TTLL11: variants seen among roughly 807,000 people sequenced by gnomAD.
TTLL11 encodes the protein tubulin polyglutamylase TTLL11.
A neutral mutation model predicts 51.7 loss-of-function variants in TTLL11; 42 were observed. That is an observed-to-expected ratio of 0.81 (90% CI 0.64 to 1.05). The LOEUF (loss-of-function observed/expected upper bound fraction) is 1.05, where lower values mean the gene tolerates loss of function less well. Among genes scored for constraint, TTLL11 ranks in the 50% least tolerant of loss-of-function variants. The pLI is 0.00. For missense variants in TTLL11, 799 were observed against 940.4 expected (o/e 0.85, Z 1.97); for synonymous variants, 381 against 383.5 (o/e 0.99, Z 0.08).
chr9:121,901,901 T>C (rs1262638356), intron 6 of TTLL11, among the ~76,000 whole-genome samples: 1 of 152,222 alleles, frequency 6.6e-6, no homozygotes, highest in Non-Finnish European at 1.5e-5. Flanking sequence ...TTCTGGCTTC[T>C]GATAATTTTT....
chr9:121,866,517 G>A (rs1180745938), intron 7 of TTLL11, among the ~76,000 whole-genome samples: 27 of 151,858 alleles, frequency 1.8e-4, no homozygotes, highest in East Asian at 7.8e-4. Context: ...AAAATTAGCC[G>A]GGCATGGTGG....
At chr9:122,061,681 A>G (rs1845437178) in intron 1 of TTLL11, among the ~76,000 whole-genome samples, 1 of 151,946 alleles carries the variant, frequency 6.6e-6, no homozygotes. Flanking sequence ...TCCGTCGCCC[A>G]GGCTGGAGTG....
At chr9:122,026,374 G>A (rs2131794961) in intron 3 of TTLL11, among the ~76,000 whole-genome samples, 1 of 151,002 alleles carries the variant, frequency 6.6e-6, no homozygotes, top group Admixed American at 6.6e-5. Context: ...GGAGGTGGAG[G>A]TTGTAGTGAG....
chr9:122,001,692 T>A (rs568369341), intron 3 of TTLL11, among the ~76,000 whole-genome samples: 4 of 152,178 alleles, frequency 2.6e-5, no homozygotes, highest in Admixed American at 1.3e-4. Flanking sequence ...AGCTCTGACC[T>A]CTAAAGAGAA....
At chr9:121,921,623 C>T (rs1403523086) in intron 6 of TTLL11, among the ~76,000 whole-genome samples, 1 of 152,154 alleles carries the variant, frequency 6.6e-6, no homozygotes, top group Non-Finnish European at 1.5e-5. Context: ...CTGGCACCTG[C>T]TGATTTATTT....
intron 6 of TTLL11, among the ~76,000 whole-genome samples, chr9:121,925,407 G>A (rs1022510854): frequency 2.0e-5 from 3 of 152,100 alleles, no homozygotes; most frequent in Non-Finnish European, 2.9e-5. Flanking sequence ...CATCCATCTC[G>A]CCAGCCTTCC....
chr9:121,929,810 C>T (rs991733291), intron 6 of TTLL11, among the ~76,000 whole-genome samples: 1 of 152,204 alleles, frequency 6.6e-6, no homozygotes, highest in African/African-American at 2.4e-5. Flanking sequence ...CCAGACAGGC[C>T]ACTTTGCTCC....
chr9:121,902,808 T>C (rs1256660746), intron 6 of TTLL11, among the ~76,000 whole-genome samples: 1 of 152,136 alleles, frequency 6.6e-6, no homozygotes, highest in Non-Finnish European at 1.5e-5. Flanking sequence ...AGCCATGCCA[T>C]TCTCTGTGGA....
chr9:121,860,552 T>C, intron 7 of TTLL11, 109 bp from the exon 8 acceptor site: 1 of 864,974 alleles, frequency 1.2e-6, no homozygotes, highest in Non-Finnish European at 1.8e-6. Flanking sequence ...AATCCATAGG[T>C]TGAAATCCTA....
chr9:122,063,373 A>C (rs981026325), intron 1 of TTLL11, among the ~76,000 whole-genome samples: 2 of 152,242 alleles, frequency 1.3e-5, no homozygotes, highest in Non-Finnish European at 2.9e-5. Flanking sequence ...GGAAGAAAAT[A>C]CTTCAAACAT....
chr9:121,920,327 A>T (rs1018967704), intron 6 of TTLL11, among the ~76,000 whole-genome samples: 2 of 152,150 alleles, frequency 1.3e-5, no homozygotes, highest in Non-Finnish European at 2.9e-5. Context: ...TATAAATTCA[A>T]TGTTTCTGGT....
At chr9:121,947,916 G>A (rs1841727625) in intron 6 of TTLL11, among the ~76,000 whole-genome samples, 1 of 152,204 alleles carries the variant, frequency 6.6e-6, no homozygotes, top group Non-Finnish European at 1.5e-5. Context: ...TACAAAGCCT[G>A]GTTATGCTGG....
chr9:121,822,961 T>G lies in TTLL11; in HGVS notation c.1841-82A>C, dbSNP rs139918556. On this transcript the variant is annotated intron_variant, in intron 8 of 8. Coordinates refer to ENST00000321582, the MANE Select transcript of TTLL11 (RefSeq NM_001139442.2). This position sits in a 1 kb window ranked among gnomAD's most constrained non-coding sequence, Gnocchi z 5.8. ...GAAGGCCCACCTCCAGCCACAAGGA[T>G]GTCAGCAAGAGCTAGCCCCGCTCCC... 134 of 1,427,192 alleles carry G rather than the reference T, an allele frequency of 9.4e-5. No individual in the cohort carries two copies. In the African/African-American group the frequency reaches 1.8e-3, roughly 19 times the overall value. 88.4% of individuals were successfully genotyped at this position (1,427,192 alleles called of 1,614,324 possible). A position where few individuals can be genotyped will look rare whatever the true frequency, so the allele number is the denominator to read the frequency against.
chr9:122,010,174 T>A (rs1301392560), intron 3 of TTLL11, among the ~76,000 whole-genome samples: 1 of 152,242 alleles, frequency 6.6e-6, no homozygotes, highest in Admixed American at 6.5e-5. Context: ...CCTTTATCAT[T>A]TAACACAAGT....
chr9:121,859,153 G>A (rs1177774504), intron 8 of TTLL11, among the ~76,000 whole-genome samples: 2 of 151,744 alleles, frequency 1.3e-5, no homozygotes, highest in African/African-American at 2.4e-5. Context: ...GTTTTGTGAT[G>A]AGCTGTACAA....
intron 6 of TTLL11, among the ~76,000 whole-genome samples, chr9:121,918,575 G>A (rs559735855): frequency 6.6e-6 from 1 of 152,154 alleles, no homozygotes; most frequent in Non-Finnish European, 1.5e-5. Context: ...GGACTGCAGG[G>A]CCAAGGCACT....
At chr9:122,015,101 G>C (rs1009359293) in intron 3 of TTLL11, among the ~76,000 whole-genome samples, 1 of 152,150 alleles carries the variant, frequency 6.6e-6, no homozygotes, top group African/African-American at 2.4e-5. Context: ...AGATAAAAGA[G>C]GTCATGTATA....
chr9:121,831,709 A>AG (rs1347395945), intron 8 of TTLL11, among the ~76,000 whole-genome samples: 1 of 151,976 alleles, frequency 6.6e-6, no homozygotes, highest in East Asian at 1.9e-4. Context: ...CAAAAAAAAA[A>AG]AAAAAAGAAT....
At chr9:121,945,439 G>A (rs1841628196) in intron 6 of TTLL11, among the ~76,000 whole-genome samples, 2 of 152,190 alleles carry the variant, frequency 1.3e-5, no homozygotes, top group African/African-American at 4.8e-5. Flanking sequence ...GATTTGATCT[G>A]ATCTGTTCAA....
Sources: gnomAD v4.1 joint callset for allele counts (sites outside exome capture counted in the v4.1 genomes callset) on GRCh38, gnomAD v4.1.1 for gene constraint, Gnocchi (gnomAD v3.1) non-coding constraint, MANE v1.5 for transcripts, NCBI Gene and HGNC (gene_info 2026-07-23, HGNC 2026-07-21) for gene names.